GRIA4: variants seen among roughly 807,000 people sequenced by gnomAD.
GRIA4 encodes glutamate ionotropic receptor AMPA type subunit 4, also known as glutamate receptor 4.
In GRIA4, 34 loss-of-function variants were observed where a neutral mutation model predicts 104.0. The ratio of observed to expected loss-of-function variants is 0.33; its 90% confidence interval spans 0.25 to 0.44. The LOEUF is 0.44. Among genes scored for constraint, GRIA4 ranks in the 20% least tolerant of loss-of-function variants. The pLI is 1.00. For missense variants in GRIA4, 750 were observed against 1,096.5 expected, an observed-to-expected ratio of 0.68 and a Z score of 4.46; for synonymous variants, 386 against 381.9, an observed-to-expected ratio of 1.01 and a Z score of -0.13.
intron 4 of GRIA4, among the ~76,000 whole-genome samples, chr11:105,755,375 C>T (rs1196673901): frequency 6.6e-6 from 1 of 152,082 alleles, no homozygotes; most frequent in Non-Finnish European, 1.5e-5. Context: ...CTCCAGGGAA[C>T]TCTCCCATTT....
intron 5 of GRIA4, among the ~76,000 whole-genome samples, chr11:105,881,588 C>T (rs1946061939): frequency 6.6e-6 from 1 of 152,090 alleles, no homozygotes; most frequent in East Asian, 1.9e-4. Flanking sequence ...GAGAGGCAGC[C>T]ATTCCCTTTA....
intron 4 of GRIA4, among the ~76,000 whole-genome samples, chr11:105,819,362 G>A (rs1943496997): frequency 6.6e-6 from 1 of 152,046 alleles, no homozygotes; most frequent in African/African-American, 2.4e-5. Flanking sequence ...AAATGATCAT[G>A]AGCCTATTTT....
At chr11:105,896,801 T>C (rs1946666477) in intron 6 of GRIA4, among the ~76,000 whole-genome samples, 1 of 152,204 alleles carries the variant, frequency 6.6e-6, no homozygotes, top group South Asian at 2.1e-4. Flanking sequence ...CATGCTGTTA[T>C]GGTTACTATA....
intron 10 of GRIA4, among the ~76,000 whole-genome samples, chr11:105,913,897 T>TA (rs1198329526): frequency 6.6e-6 from 1 of 152,078 alleles, no homozygotes; most frequent in African/African-American, 2.4e-5. Context: ...GTTACAAACC[T>TA]AAAAGCAATT....
intron 3 of GRIA4, among the ~76,000 whole-genome samples, chr11:105,635,453 T>A (rs1391727791): frequency 6.6e-6 from 1 of 152,196 alleles, no homozygotes; most frequent in Non-Finnish European, 1.5e-5. Context: ...ATATTTTTCA[T>A]TGGTTTTACT....
At position 105,610,979 on chromosome 11, in the gene GRIA4, A is replaced by T. The variant is rs573023336; in HGVS notation, c.-19A>T. On this transcript the variant is annotated 5_prime_UTR_variant, in exon 2 of 17. Coordinates refer to ENST00000282499, the MANE Select transcript of GRIA4 (RefSeq NM_000829.4). The stretch of plus-strand genomic sequence containing the variant: ...GAGAGAAAGAGAGAGAGCGCGCGCC[A>T]GGGAGAGGAGAAAAGAAGATGAGGA... 128 of 1,546,306 alleles carry T rather than the reference A, an allele frequency of 8.3e-5. 4 individuals carry two copies. In the South Asian group the frequency reaches 1.3e-3, roughly 16 times the overall value.
intron 4 of GRIA4, among the ~76,000 whole-genome samples, chr11:105,779,529 C>T (rs550264125): frequency 2.0e-5 from 3 of 151,934 alleles, no homozygotes; most frequent in Non-Finnish European, 2.9e-5. Flanking sequence ...TTTGTTCTTG[C>T]GATAGTTTAC....
rs767222805 is a variant in GRIA4 at position 105,862,193 on chromosome 11, A to G, written c.657A>G (p.Gln219=). Residue 219 remains glutamine (Q), a synonymous_variant, in exon 5 of 17, where the codon CAA becomes CAG. Transcript: ENST00000282499. ...FVIDCEIERL[Q]NILEQIVSVG... ...TAGACTGTGAGATAGAGAGACTTCA[A>G]AACATATTAGAACAGGTAAGTCCTA... is the stretch of plus-strand genomic sequence containing the variant. 1 of 1,581,998 alleles carries G rather than the reference A, an allele frequency of 6.3e-7. No individual in the cohort carries two copies. Among genetic ancestry groups the G allele is most frequent in the Non-Finnish European group, 8.7e-7 (1 of 1,151,006 alleles).
chr11:105,894,538 C>G (rs1023796822), intron 6 of GRIA4, among the ~76,000 whole-genome samples: 2 of 152,108 alleles, frequency 1.3e-5, no homozygotes, highest in African/African-American at 2.4e-5. Flanking sequence ...CTCTTGACAG[C>G]AATTTTTGCT....
At chr11:105,685,933 T>C (rs1477246548) in intron 3 of GRIA4, among the ~76,000 whole-genome samples, 1 of 151,592 alleles carries the variant, frequency 6.6e-6, no homozygotes, top group Non-Finnish European at 1.5e-5. Flanking sequence ...AAAAGTCACA[T>C]TAAAAAAAAG....
intron 3 of GRIA4, among the ~76,000 whole-genome samples, chr11:105,746,538 A>T (rs191633765): frequency 7.2e-4 from 109 of 152,180 alleles, no homozygotes; most frequent in Non-Finnish European, 1.2e-3. Flanking sequence ...AGGATTGACA[A>T]GTCATAGAAA....
At chr11:105,656,953 A>G (rs1243449142) in intron 3 of GRIA4, among the ~76,000 whole-genome samples, 1 of 152,072 alleles carries the variant, frequency 6.6e-6, no homozygotes, top group Non-Finnish European at 1.5e-5. Flanking sequence ...TTAAAGGTAC[A>G]CTGATAATTG....
chr11:105,840,399 T>C (rs1353179102), intron 4 of GRIA4, among the ~76,000 whole-genome samples: 1 of 152,230 alleles, frequency 6.6e-6, no homozygotes, highest in Non-Finnish European at 1.5e-5. Context: ...ACTGGATACA[T>C]CTACATGATT....
At chr11:105,926,124 A>G (rs902681251) in intron 12 of GRIA4, among the ~76,000 whole-genome samples, 1 of 151,952 alleles carries the variant, frequency 6.6e-6, no homozygotes, top group African/African-American at 2.4e-5. Context: ...AAAAAGCCTC[A>G]ACTATGGTCA....
intron 4 of GRIA4, among the ~76,000 whole-genome samples, chr11:105,763,188 GA>G (rs1281082422): frequency 6.6e-6 from 1 of 152,172 alleles, no homozygotes; most frequent in African/African-American, 2.4e-5. Flanking sequence ...ATGGGAGTGA[GA>G]GGAGAAAGCA....
At chr11:105,725,607 A>G (rs1219547563) in intron 3 of GRIA4, among the ~76,000 whole-genome samples, 1 of 152,224 alleles carries the variant, frequency 6.6e-6, no homozygotes, top group Non-Finnish European at 1.5e-5. Flanking sequence ...CAGGGGCAAG[A>G]TGGCTGAATA....
Position 105,673,766 on chromosome 11 carries a change from A to G in GRIA4, c.247+61332A>G, listed in dbSNP as rs570378735. 5.9e-5 allele frequency among the ~76,000 whole-genome samples: 9 copies of G among 152,100 alleles called. No individual in the cohort carries two copies. The East Asian group carries it at 1.7e-3, about 29-fold the overall frequency. Reference sequence around the variant, plus strand: ...CTTAAAAATAAAATTTGGGCATTGAATTAACGTTTGTTTAATAAATTAAAA... The same window carrying G: ...CTTAAAAATAAAATTTGGGCATTGAGTTAACGTTTGTTTAATAAATTAAAA... On this transcript the variant is annotated intron_variant, in intron 3 of 16. Coordinates refer to ENST00000282499, the MANE Select transcript of GRIA4 (RefSeq NM_000829.4).
intron 6 of GRIA4, among the ~76,000 whole-genome samples, chr11:105,889,351 T>C (rs1946384006): frequency 6.6e-6 from 1 of 152,202 alleles, no homozygotes; most frequent in Non-Finnish European, 1.5e-5. Flanking sequence ...CAGCAAGTTT[T>C]ATTATATGTG....
intron 3 of GRIA4, among the ~76,000 whole-genome samples, chr11:105,688,251 G>A (rs1286229315): frequency 6.6e-6 from 1 of 151,900 alleles, no homozygotes; most frequent in East Asian, 1.9e-4. Context: ...AGAAGAATGA[G>A]AAAGATAGGT....
Sources: gnomAD v4.1 joint callset for allele counts (sites outside exome capture counted in the v4.1 genomes callset) on GRCh38, gnomAD v4.1.1 for gene constraint, MANE v1.5 for transcripts, NCBI Gene and HGNC (gene_info 2026-07-23, HGNC 2026-07-21) for gene names.